PANX1: variants seen among roughly 807,000 people sequenced by gnomAD.
PANX1 encodes pannexin-1.
PANX1 carries 30 observed loss-of-function variants against 38.7 expected under a neutral mutation model. The observed-to-expected ratio is 0.78, with a 90% CI of 0.58 to 1.05. The LOEUF (loss-of-function observed/expected upper bound fraction) is 1.05. PANX1 is among the 50% of genes least tolerant of loss of function. The probability of loss-of-function intolerance (pLI) is 0.00; values close to 1 mark genes in which losing one functional copy is unlikely to be tolerated. For synonymous variants in PANX1, 230 were observed against 212.2 expected (o/e 1.08, Z -0.73); for missense variants, 551 against 517.2 (o/e 1.07, Z -0.63).
chr11:94,158,224 G>A (rs563817941), intron 2 of PANX1, among the ~76,000 whole-genome samples: 2,739 of 152,054 alleles, frequency 0.018, 61 homozygotes, highest in African/African-American at 0.054. Context: ...TTGACTTGGC[G>A]ATGCAGGCTC....
In PANX1 at chr11:94,128,958, A is replaced by C; in HGVS notation, c.-355A>C. 7 of 168,550 alleles carry C rather than the reference A, an allele frequency of 4.2e-5. No homozygotes were observed. Among genetic ancestry groups the C allele is most frequent in the Non-Finnish European group, 5.0e-5 (4 of 79,392 alleles). 10.4% of individuals were successfully genotyped at this position (168,550 alleles called of 1,614,324 possible). A position where few individuals can be genotyped will look rare whatever the true frequency, so the allele number is the denominator to read the frequency against. Reference sequence around the variant, plus strand: ...GCGCGGAGGGGCAGGGCCAGAGGGAAGCGCTTTGTTCCGCGCGTGGTTCCC... The same window carrying C: ...GCGCGGAGGGGCAGGGCCAGAGGGACGCGCTTTGTTCCGCGCGTGGTTCCC... On this transcript the variant is annotated 5_prime_UTR_variant, in exon 1 of 5. Coordinates refer to ENST00000227638, the MANE Select transcript of PANX1 (RefSeq NM_015368.4).
intron 1 of PANX1, among the ~76,000 whole-genome samples, chr11:94,140,005 A>G (rs1163071248): frequency 3.9e-5 from 6 of 152,228 alleles, no homozygotes; most frequent in Non-Finnish European, 1.5e-5. Flanking sequence ...CAGAAGTTCT[A>G]TTACTGCTGT....
chr11:94,160,177 G>T (rs112610646), intron 2 of PANX1, among the ~76,000 whole-genome samples: 9 of 152,290 alleles, frequency 5.9e-5, no homozygotes, highest in African/African-American at 1.4e-4. Flanking sequence ...TAAGTGCAGT[G>T]TGGTGCTGAG....
At chr11:94,175,992 C>A in intron 2 of PANX1, 1 of 589,720 alleles carries the variant, frequency 1.7e-6, no homozygotes. Flanking sequence ...AGGAGGCCTG[C>A]AAACTAGGAT....
chr11:94,140,333 A>G (rs1946747205), intron 1 of PANX1, among the ~76,000 whole-genome samples: 1 of 152,256 alleles, frequency 6.6e-6, no homozygotes, highest in Non-Finnish European at 1.5e-5. Context: ...TCAGACAGTA[A>G]GAGGAAACAT....
chr11:94,180,253 C>T lies in PANX1; in HGVS notation c.1197C>T (p.Leu399=). ...REEQGNQTAE[L]QGMNIDSETK... is the part of the protein sequence containing the mutation. ...AGCAGGGGAACCAGACGGCAGAGCT[C>T]CAAGGTAGGGTTTGCTTTTGGCAGA... Residue 399 remains leucine (L), a synonymous_variant, in exon 4 of 5, where the codon CTC becomes CTT. Coordinates refer to ENST00000227638, the MANE Select transcript of PANX1 (RefSeq NM_015368.4). The T allele has an allele frequency of 1.9e-6, 3 of 1,598,552 alleles. No individual in the cohort carries two copies. The highest frequency in any genetic ancestry group is 2.6e-6 in the Non-Finnish European group (3 of 1,169,594).
intron 2 of PANX1, among the ~76,000 whole-genome samples, chr11:94,168,147 AAG>A (rs1947123499): frequency 6.6e-6 from 1 of 152,094 alleles, no homozygotes. Context: ...TGATAACCAG[AAG>A]AGAGAGGAAC....
rs72972552 is a variant in PANX1 at position 94,181,180 on chromosome 11, G to A, written c.*311G>A. On this transcript the variant is annotated 3_prime_UTR_variant, in exon 5 of 5. Coordinates refer to ENST00000227638, the MANE Select transcript of PANX1 (RefSeq NM_015368.4). ...AGAGCAGTAGCCCTGTCAGAGCCTC[G>A]GAGCAATACCTTTCTGTACCCGTGG... The A allele has an allele frequency of 0.024, 6,695 of 283,798 alleles. 105 individuals are homozygous for A. Among genetic ancestry groups the A allele is most frequent in the Non-Finnish European group, 0.031 (4,591 of 148,670 alleles). 17.6% of individuals were successfully genotyped at this position (283,798 alleles called of 1,614,324 possible).
chr11:94,167,427 A>G (rs887777854), intron 2 of PANX1, among the ~76,000 whole-genome samples: 4 of 152,088 alleles, frequency 2.6e-5, no homozygotes, highest in Non-Finnish European at 5.9e-5. Context: ...TGGAGGGTTC[A>G]ATTCAGCCAT....
At chr11:94,138,328 A>G (rs1013017368) in intron 1 of PANX1, among the ~76,000 whole-genome samples, 3 of 152,194 alleles carry the variant, frequency 2.0e-5, no homozygotes, top group Admixed American at 2.0e-4. Context: ...TTCCATTTAT[A>G]TAATTCTGTG....
chr11:94,154,843 ATTC>A (rs1292192707), intron 2 of PANX1, among the ~76,000 whole-genome samples: 1 of 152,260 alleles, frequency 6.6e-6, no homozygotes, highest in East Asian at 1.9e-4. Context: ...TATATACTGT[ATTC>A]TTACAATAAG....
rs567785199 is a variant in PANX1 at position 94,174,298 on chromosome 11, A to G, written c.322-4071A>G. Among the ~76,000 whole-genome samples, 3 of 151,496 alleles carry G rather than the reference A, an allele frequency of 2.0e-5. No homozygotes were observed. The South Asian group carries it at 6.2e-4, about 31-fold the overall frequency. ...CACCCTTCCAGCCTCTGCTCTGTCT[A>G]CTTCCTCACTCACAGGCTTGTTCAT... On this transcript the variant is annotated intron_variant, in intron 2 of 4. Coordinates refer to ENST00000227638, the MANE Select transcript of PANX1 (RefSeq NM_015368.4).
At chr11:94,138,946 A>T (rs2134478414) in intron 1 of PANX1, among the ~76,000 whole-genome samples, 1 of 152,284 alleles carries the variant, frequency 6.6e-6, no homozygotes, top group East Asian at 1.9e-4. Flanking sequence ...ATGATCTTTA[A>T]TGATTTTATT....
At chr11:94,173,310 T>C (rs1388973829) in intron 2 of PANX1, among the ~76,000 whole-genome samples, 1 of 151,686 alleles carries the variant, frequency 6.6e-6, no homozygotes, top group African/African-American at 2.4e-5. Context: ...CCCATTCTCC[T>C]TGGATGATCT....
At chr11:94,156,170 G>A (rs1946946801) in intron 2 of PANX1, among the ~76,000 whole-genome samples, 1 of 152,168 alleles carries the variant, frequency 6.6e-6, no homozygotes, top group Non-Finnish European at 1.5e-5. Context: ...AACTTTGAGG[G>A]ATCTAGCCTA....
chr11:94,171,970 TAGTA>T (rs1392097280), intron 2 of PANX1, among the ~76,000 whole-genome samples: 2 of 151,204 alleles, frequency 1.3e-5, no homozygotes, highest in African/African-American at 4.9e-5. Flanking sequence ...AGGCAACTAT[TAGTA>T]AGATTTCTCT....
intron 2 of PANX1, among the ~76,000 whole-genome samples, chr11:94,170,671 G>A (rs916152059): frequency 6.6e-6 from 1 of 151,768 alleles, no homozygotes; most frequent in Non-Finnish European, 1.5e-5. Flanking sequence ...TTCAGGCTCC[G>A]AGGGCCAGAG....
At chr11:94,173,771 C>T (rs557803958) in intron 2 of PANX1, among the ~76,000 whole-genome samples, 2 of 151,678 alleles carry the variant, frequency 1.3e-5, no homozygotes, top group Non-Finnish European at 2.9e-5. Flanking sequence ...TGATTTTGCC[C>T]TCTACCAGTG....
intron 2 of PANX1, among the ~76,000 whole-genome samples, chr11:94,162,614 T>C (rs1191423995): frequency 2.0e-5 from 3 of 152,188 alleles, no homozygotes; most frequent in Non-Finnish European, 1.5e-5. Context: ...GGTGCCATCT[T>C]TCACCCCTTT....
Sources: gnomAD v4.1 joint callset for allele counts (sites outside exome capture counted in the v4.1 genomes callset) on GRCh38, gnomAD v4.1.1 for gene constraint, MANE v1.5 for transcripts, NCBI Gene and HGNC (gene_info 2026-07-23, HGNC 2026-07-21) for gene names.